SPNS2: variants seen among roughly 807,000 people sequenced by gnomAD.
SPNS2 encodes the protein SPNS lysolipid transporter 2, sphingosine-1-phosphate.
Under a neutral mutation model 57.6 loss-of-function variants are expected in SPNS2, and 37 were observed. The observed-to-expected ratio is 0.64, with a 90% CI of 0.49 to 0.85. The LOEUF (loss-of-function observed/expected upper bound fraction) is 0.85. Ranked by LOEUF, SPNS2 falls within the 40% of genes least tolerant of loss-of-function variation. The pLI, the probability that SPNS2 is intolerant of heterozygous loss-of-function variation, is 0.00. For synonymous variants in SPNS2, 440 were observed against 346.9 expected, an observed-to-expected ratio of 1.27 and a Z score of -2.98; for missense variants, 831 against 779.1, an observed-to-expected ratio of 1.07 and a Z score of -0.79.
chr17:4,530,570 C>T, intron 3 of SPNS2, 62 bp from the exon 4 acceptor site: 2 of 1,563,132 alleles, frequency 1.3e-6, no homozygotes, highest in Non-Finnish European at 8.7e-7. Context: ...AAAGTGGGAA[C>T]AAGGGATGAC....
In SPNS2 at chr17:4,516,330, A is replaced by AC. The variant is rs1904989703; in HGVS notation, c.436+3018_436+3019insC. Among the ~76,000 whole-genome samples, 3 of 90,864 alleles carry AC rather than the reference A, an allele frequency of 3.3e-5. 1 individual carries two copies. The highest frequency in any genetic ancestry group is 6.8e-5 in the African/African-American group (2 of 29,356). The allele number at this position is 90,864 out of a possible 152,430, so 59.6% of individuals were successfully genotyped here. On this transcript the variant is annotated intron_variant, in intron 2 of 12. Transcript: ENST00000329078. ...CTCTATCTCCCCAAAAAAAAAAAAA[A>AC]AAAAAAAAAAAAACAAAAAAACCGC...
intron 9 of SPNS2, among the ~76,000 whole-genome samples, chr17:4,535,584 G>C (rs904848546): frequency 2.7e-4 from 41 of 152,310 alleles, no homozygotes; most frequent in African/African-American, 9.9e-4. Flanking sequence ...GGCCGTTCCT[G>C]ATGGCTCGGG....
At chr17:4,533,747 T>G (rs765343795) in intron 8 of SPNS2, 41 bp from the exon 9 acceptor site, 23 of 1,609,714 alleles carry the variant, frequency 1.4e-5, no homozygotes, top group Non-Finnish European at 2.0e-5. Context: ...TTGCTGCGGA[T>G]GGAGGGACCG....
chr17:4,533,418 A>C lies in SPNS2; in HGVS notation c.1264A>C (p.Ile422Leu), dbSNP rs746837010. 1.5e-5 allele frequency: 24 copies of C among 1,605,034 alleles called. No homozygotes were observed. Among genetic ancestry groups the C allele is most frequent in the Non-Finnish European group, 2.0e-5 (24 of 1,176,228 alleles). ...GATCTTCGTGGCTGCCAAGAGCAGC[A>C]TCGTAGGAGCCTATGTGAGTGCAGC... ...CLIFVAAKSS[I>L]VGAYICIFVG... The change falls in exon 8 of 13, where the codon ATC becomes CTC. Residue 422 changes from isoleucine to leucine, a missense_variant. Coordinates refer to ENST00000329078, the MANE Select transcript of SPNS2 (RefSeq NM_001124758.3).
At position 4,537,777 on chromosome 17, in the gene SPNS2, C is replaced by T; in HGVS notation, c.*329C>T. ...CTGGCCTGCCACCAGCTTATGTGAT[C>T]TTGGGCAAGTCCCTGCCCTCCCTGG... On this transcript the variant is annotated 3_prime_UTR_variant, in exon 13 of 13. Coordinates refer to ENST00000329078, the MANE Select transcript of SPNS2 (RefSeq NM_001124758.3). 2.2e-6 allele frequency: 1 copy of T among 456,024 alleles called. No individual in the cohort carries two copies. Among genetic ancestry groups the T allele is most frequent in the Non-Finnish European group, 4.4e-6 (1 of 226,360 alleles). The allele number at this position is 456,024 out of a possible 1,614,324, so 28.2% of individuals were successfully genotyped here.
intron 9 of SPNS2, among the ~76,000 whole-genome samples, chr17:4,534,897 G>C (rs1004068821): frequency 1.6e-4 from 24 of 152,268 alleles, no homozygotes; most frequent in Non-Finnish European, 3.1e-4. Context: ...GCGCCTGACA[G>C]CTGCCGGCAG....
chr17:4,511,121 G>A lies in SPNS2; in HGVS notation c.371-2126G>A, dbSNP rs1567588519. 6.6e-6 allele frequency among the ~76,000 whole-genome samples: 1 copy of A among 152,210 alleles called. No individual in the cohort carries two copies. Among genetic ancestry groups the A allele is most frequent in the African/African-American group, 2.4e-5 (1 of 41,454 alleles). ...TAACTAGCGGCTCTCAGCTCAGGAG[G>A]AGCTCATAGCTGTGCTTCTGTGTGC... On this transcript the variant is annotated intron_variant, in intron 1 of 12. Transcript: ENST00000329078. This position sits in a 1 kb window ranked among gnomAD's most constrained non-coding sequence, Gnocchi z 4.6.
Position 4,534,908 on chromosome 17 carries a change from G to C in SPNS2, c.1344+1055G>C, listed in dbSNP as rs374487646. 6.2e-4 allele frequency among the ~76,000 whole-genome samples: 94 copies of C among 152,278 alleles called. 1 individual carries two copies. The highest frequency in any genetic ancestry group is 2.2e-3 in the African/African-American group (91 of 41,564). ...GGGAGCGCCTGACAGCTGCCGGCAGGGTCAGGGTCCCGGGGAAATCGCGTC... is the reference window on the plus strand; with the variant it reads ...GGGAGCGCCTGACAGCTGCCGGCAGCGTCAGGGTCCCGGGGAAATCGCGTC... On this transcript the variant is annotated intron_variant, in intron 9 of 12. Transcript: ENST00000329078.
intron 3 of SPNS2, among the ~76,000 whole-genome samples, chr17:4,526,240 C>T (rs530868283): frequency 2.0e-5 from 3 of 152,122 alleles, no homozygotes; most frequent in Non-Finnish European, 2.9e-5. Flanking sequence ...GAGATCAGGC[C>T]TTTTGGTGAA....
intron 1 of SPNS2, among the ~76,000 whole-genome samples, chr17:4,502,664 G>C (rs1240189449): frequency 1.3e-5 from 2 of 152,180 alleles, no homozygotes; most frequent in African/African-American, 4.8e-5. Flanking sequence ...CTCCCGGGTT[G>C]CGTGGGATAA....
intron 2 of SPNS2, among the ~76,000 whole-genome samples, chr17:4,520,180 T>C (rs1330391141): frequency 2.6e-5 from 4 of 152,050 alleles, no homozygotes; most frequent in Non-Finnish European, 4.4e-5. Flanking sequence ...GAGGATCAGG[T>C]GAGCTAAGGG....
rs772263266 is a variant in SPNS2, at chr17:4,536,335, A to G, written c.1516A>G (p.Met506Val). Residue 506 changes from methionine (M) to valine (V), a missense_variant, in exon 11 of 13, where the codon ATG becomes GTG. Met to Val is a conservative substitution (Grantham distance 21). This residue lies in a region of SPNS2 where 526 missense variants were observed against 400.9 expected (regional missense o/e 1.31). Coordinates refer to ENST00000329078, the MANE Select transcript of SPNS2 (RefSeq NM_001124758.3). ...WEFLSLGYAL[M>V]LCPFVVVLGG... ...GTTCCTGAGCCTGGGCTACGCGCTC[A>G]TGCTCTGCCCTTTCGTCGTGGTCCT... 1.6e-5 allele frequency: 26 copies of G among 1,611,922 alleles called. No homozygotes were observed. The highest frequency in any genetic ancestry group is 1.0e-5 in the Non-Finnish European group (12 of 1,179,934).
chr17:4,536,057 C>G lies in SPNS2; in HGVS notation c.1345-19C>G. 1 of 1,605,212 alleles carries G rather than the reference C, an allele frequency of 6.2e-7. No individual in the cohort carries two copies. Among genetic ancestry groups the G allele is most frequent in the Non-Finnish European group, 8.5e-7 (1 of 1,177,076 alleles). ...GAGCCTTTCTCCTCTGGCCGCTGACCTGCCCGCCTGTTCCGCAGTACGTGG... is the reference window on the plus strand; with the variant it reads ...GAGCCTTTCTCCTCTGGCCGCTGACGTGCCCGCCTGTTCCGCAGTACGTGG... On this transcript the variant is annotated intron_variant, in intron 9 of 12. Coordinates refer to ENST00000329078, the MANE Select transcript of SPNS2 (RefSeq NM_001124758.3).
Position 4,499,567 on chromosome 17 carries a change from A to C in SPNS2, c.370+150A>C. 3 of 465,554 alleles carry C rather than the reference A, an allele frequency of 6.4e-6. No homozygotes were observed. Among genetic ancestry groups the C allele is most frequent in the Non-Finnish European group, 1.1e-5 (3 of 275,462 alleles). 28.8% of individuals were successfully genotyped at this position (465,554 alleles called of 1,614,324 possible). A position where few individuals can be genotyped will look rare whatever the true frequency, so the allele number is the denominator to read the frequency against. ...CCTACGGACCCTCTGCTCAGGCACAACTGGGCAAGGGATGCCTCCGTGCAC... is the reference window on the plus strand; with the variant it reads ...CCTACGGACCCTCTGCTCAGGCACACCTGGGCAAGGGATGCCTCCGTGCAC... On this transcript the variant is annotated intron_variant, in intron 1 of 12. Coordinates refer to ENST00000329078, the MANE Select transcript of SPNS2 (RefSeq NM_001124758.3). The surrounding 1 kb of genome is among the most constrained non-coding windows in gnomAD (Gnocchi z 5.2).
chr17:4,509,479 G>C (rs1042741351), intron 1 of SPNS2, among the ~76,000 whole-genome samples: 1 of 152,226 alleles, frequency 6.6e-6, no homozygotes, highest in African/African-American at 2.4e-5. Context: ...AAGGAGGAGA[G>C]GAAAGGAACA....
At chr17:4,529,752 A>C (rs888137876) in intron 3 of SPNS2, among the ~76,000 whole-genome samples, 5 of 152,294 alleles carry the variant, frequency 3.3e-5, no homozygotes, top group Admixed American at 2.6e-4. Context: ...TAGGCAGGTG[A>C]TTCCCAGGAA....
rs766968180 is a variant in SPNS2 at position 4,536,921 on chromosome 17, G to GTGAAAAGT, written c.1629_1630insTGAAAAGT (p.Pro544Ter). ...CCAGGGTGAACCAGCTGGCGATGCC[G>GTGAAAAGT]CCCGCATCTGTGAAAGTCTGAGGTG... On this transcript the variant is annotated stop_gained and frameshift_variant, in exon 12 of 13. Coordinates refer to ENST00000329078, the MANE Select transcript of SPNS2 (RefSeq NM_001124758.3). LOFTEE classifies it high-confidence loss of function. 1.2e-6 allele frequency: 2 copies of GTGAAAAGT among 1,613,612 alleles called. No homozygotes were observed. The highest frequency in any genetic ancestry group is 1.7e-5 in the Admixed American group (1 of 59,952).
chr17:4,509,968 C>A (rs1255611920), intron 1 of SPNS2, among the ~76,000 whole-genome samples: 1 of 152,200 alleles, frequency 6.6e-6, no homozygotes, highest in East Asian at 1.9e-4. Flanking sequence ...CAAACCTCAG[C>A]CTCCAGGAAA....
chr17:4,535,529 G>A (rs781300801), intron 9 of SPNS2, among the ~76,000 whole-genome samples: 6 of 152,206 alleles, frequency 3.9e-5, no homozygotes, highest in Non-Finnish European at 7.3e-5. Flanking sequence ...AAGGCACCCT[G>A]GTCTCAGGAA....
Sources: allele counts gnomAD v4.1 joint callset (sites outside exome capture counted in the v4.1 genomes callset), GRCh38; gene constraint gnomAD v4.1.1; regional missense constraint gnomAD v4.1.1; non-coding constraint Gnocchi (gnomAD v3.1); transcripts MANE v1.5; gene names NCBI Gene and HGNC (gene_info 2026-07-23, HGNC 2026-07-21).